PCP4L1: variants seen among roughly 807,000 people sequenced by gnomAD.
PCP4L1 encodes Purkinje cell protein 4 like 1, also known as Purkinje cell protein 4-like protein 1.
PCP4L1 carries 9 observed loss-of-function variants against 9.6 expected under a neutral mutation model. That is an observed-to-expected ratio of 0.94 (90% CI 0.57 to 1.64). The LOEUF is 1.64. Ranked by LOEUF, PCP4L1 falls within the 40% of genes most tolerant of loss-of-function variation. The pLI is 0.00. For synonymous variants in PCP4L1, 31 were observed against 28.2 expected, an observed-to-expected ratio of 1.10 and a Z score of -0.31; for missense variants, 81 against 80.8, an observed-to-expected ratio of 1.00 and a Z score of -0.01.
intron 1 of PCP4L1, among the ~76,000 whole-genome samples, chr1:161,278,867 C>T (rs1374348455): frequency 2.0e-5 from 3 of 151,436 alleles, no homozygotes; most frequent in Admixed American, 1.3e-4. Context: ...ACTGCAACCT[C>T]CGCCTTCCAG....
chr1:161,264,600 A>T lies in PCP4L1; in HGVS notation c.9+5617A>T, dbSNP rs145172364. On this transcript the variant is annotated intron_variant, in intron 1 of 2. Coordinates refer to ENST00000504449, the MANE Select transcript of PCP4L1 (RefSeq NM_001102566.2). ...TCCCAGCACTTTGGGAGGCTGAAGC[A>T]GGAGGACTGCTTGAGCTCAGGAGTT... Among the ~76,000 whole-genome samples, 1,356 of 152,300 alleles carry T rather than the reference A, an allele frequency of 8.9e-3. 10 individuals are homozygous for T. Among genetic ancestry groups the T allele is most frequent in the Non-Finnish European group, 0.012 (846 of 68,012 alleles).
At chr1:161,277,022 G>A (rs997300387) in intron 1 of PCP4L1, among the ~76,000 whole-genome samples, 3 of 152,138 alleles carry the variant, frequency 2.0e-5, no homozygotes, top group Non-Finnish European at 4.4e-5. Context: ...GGAGGCTGAG[G>A]AGGAAGAACT....
chr1:161,263,403 A>G lies in PCP4L1; in HGVS notation c.9+4420A>G, dbSNP rs11265576. 3.8e-3 allele frequency among the ~76,000 whole-genome samples: 569 copies of G among 151,522 alleles called. 1 individual carries two copies. The highest frequency in any genetic ancestry group is 0.013 in the African/African-American group (543 of 41,288). On this transcript the variant is annotated intron_variant, in intron 1 of 2. Coordinates refer to ENST00000504449, the MANE Select transcript of PCP4L1 (RefSeq NM_001102566.2). ...CAGGCACTCGCCACCACGCCCGGCTAATTTTTTGTATTTTTAGTAGAGATG... is the reference window on the plus strand; with the variant it reads ...CAGGCACTCGCCACCACGCCCGGCTGATTTTTTGTATTTTTAGTAGAGATG...
rs529412988 is a variant in PCP4L1, at chr1:161,281,697, C to T, written c.10-1971C>T. On this transcript the variant is annotated intron_variant, in intron 1 of 2. Transcript: ENST00000504449. ...GGGTGGCTGCCGGGCGGAGGGGCTC[C>T]TCACTTCTCAGACGGGGCGGCCGGG... is the stretch of plus-strand genomic sequence containing the variant. Among the ~76,000 whole-genome samples, 57 of 150,482 alleles carry T rather than the reference C, an allele frequency of 3.8e-4. 1 individual carries two copies. The highest frequency in any genetic ancestry group is 1.2e-3 in the African/African-American group (50 of 40,914).
At chr1:161,282,711 T>C (rs971629662) in intron 1 of PCP4L1, among the ~76,000 whole-genome samples, 1 of 152,116 alleles carries the variant, frequency 6.6e-6, no homozygotes, top group African/African-American at 2.4e-5. Flanking sequence ...TAAAACCTCC[T>C]CTCCCTGTTT....
At chr1:161,270,678 C>T (rs957298528) in intron 1 of PCP4L1, among the ~76,000 whole-genome samples, 4 of 151,740 alleles carry the variant, frequency 2.6e-5, no homozygotes, top group Non-Finnish European at 5.9e-5. Context: ...TTGAGACCAT[C>T]CTGGCCAACA....
chr1:161,262,760 G>A (rs1669440729), intron 1 of PCP4L1, among the ~76,000 whole-genome samples: 1 of 152,208 alleles, frequency 6.6e-6, no homozygotes, highest in South Asian at 2.1e-4. Context: ...CCTATGGAGG[G>A]TCTTAACTGA....
chr1:161,268,723 AT>A (rs1156687262), intron 1 of PCP4L1, among the ~76,000 whole-genome samples: 1 of 151,684 alleles, frequency 6.6e-6, no homozygotes, highest in African/African-American at 2.4e-5. Context: ...CTAATTTTGT[AT>A]TTTTAGTAGA....
intron 1 of PCP4L1, among the ~76,000 whole-genome samples, chr1:161,278,569 A>G (rs1018565834): frequency 6.6e-6 from 1 of 150,978 alleles, no homozygotes; most frequent in African/African-American, 2.4e-5. Flanking sequence ...ACGCCCAGCC[A>G]GTAGTCTTTT....
chr1:161,271,126 T>A (rs1669618859), intron 1 of PCP4L1, among the ~76,000 whole-genome samples: 1 of 152,236 alleles, frequency 6.6e-6, no homozygotes, highest in African/African-American at 2.4e-5. Context: ...ATGGTAAATG[T>A]ATGCTTAAGA....
intron 1 of PCP4L1, among the ~76,000 whole-genome samples, chr1:161,267,331 A>G (rs930747204): frequency 2.6e-5 from 4 of 152,224 alleles, no homozygotes; most frequent in African/African-American, 7.2e-5. Flanking sequence ...AAATACAGGT[A>G]TAGGTAGTCT....
intron 1 of PCP4L1, among the ~76,000 whole-genome samples, chr1:161,272,091 C>G (rs1277652206): frequency 1.3e-5 from 2 of 151,724 alleles, no homozygotes; most frequent in African/African-American, 4.8e-5. Flanking sequence ...CAGGTGTGAG[C>G]CACCGTGCCC....
In PCP4L1 at chr1:161,270,278, C is replaced by T. The variant is rs538800797; in HGVS notation, c.9+11295C>T. Among the ~76,000 whole-genome samples the T allele has an allele frequency of 1.6e-3, 238 of 151,892 alleles. 2 individuals carry two copies. Among genetic ancestry groups the T allele is most frequent in the Non-Finnish European group, 2.5e-3 (169 of 67,952 alleles). On this transcript the variant is annotated intron_variant, in intron 1 of 2. Transcript: ENST00000504449. The stretch of plus-strand genomic sequence containing the variant: ...TGCCACTGTACTCCAGCCTGGGCAA[C>T]GGAGAGAGACTCTGTCTCAAAAAAT...
Position 161,285,209 on chromosome 1 carries a change from ATTTTTT to A in PCP4L1, c.*730_*735del, listed in dbSNP as rs559305374. ...AAGTGAAGAAGGGGGAAATCTCTGA[ATTTTTT>A]TACTGCTGGGAAAAGTGTACTACAT... On this transcript the variant is annotated 3_prime_UTR_variant, in exon 3 of 3. Coordinates refer to ENST00000504449, the MANE Select transcript of PCP4L1 (RefSeq NM_001102566.2). 1.8e-3 allele frequency: 277 copies of A among 152,414 alleles called. 1 individual carries two copies. The highest frequency in any genetic ancestry group is 0.014 in the Middle Eastern group (4 of 296). The allele number at this position is 152,414 out of a possible 1,614,324, so 9.4% of individuals were successfully genotyped here.
intron 1 of PCP4L1, among the ~76,000 whole-genome samples, chr1:161,275,942 C>T (rs562687744): frequency 1.9e-4 from 29 of 152,000 alleles, no homozygotes; most frequent in Non-Finnish European, 3.4e-4. Flanking sequence ...ATTACATTTG[C>T]CTGCCACCAC....
chr1:161,281,690 G>T (rs1669808906), intron 1 of PCP4L1, among the ~76,000 whole-genome samples: 1 of 151,144 alleles, frequency 6.6e-6, no homozygotes, highest in East Asian at 2.0e-4. Flanking sequence ...GCCGGGCGGA[G>T]GGGCTCCTCA....
chr1:161,265,083 C>A (rs1339093661), intron 1 of PCP4L1, among the ~76,000 whole-genome samples: 1 of 152,114 alleles, frequency 6.6e-6, no homozygotes. Flanking sequence ...TTCATGAGTT[C>A]TTAATTTCAA....
In PCP4L1 at chr1:161,284,548, G is replaced by A; in HGVS notation, c.*67G>A. The A allele has an allele frequency of 1.9e-6, 3 of 1,564,208 alleles. No homozygotes were observed. The highest frequency in any genetic ancestry group is 1.2e-5 in the South Asian group (1 of 85,532). ...CTTCTCTCCCCTTCTCCACACCCAT[G>A]TATCTTTATCCCTTGTCCCTCTAGC... On this transcript the variant is annotated 3_prime_UTR_variant, in exon 3 of 3. Coordinates refer to ENST00000504449, the MANE Select transcript of PCP4L1 (RefSeq NM_001102566.2).
chr1:161,272,667 G>A (rs1364840121), intron 1 of PCP4L1, among the ~76,000 whole-genome samples: 1 of 151,744 alleles, frequency 6.6e-6, no homozygotes, highest in Non-Finnish European at 1.5e-5. Flanking sequence ...TCAGGTTGAG[G>A]GAGGCTTTTA....
Sources: gnomAD v4.1 joint callset for allele counts (sites outside exome capture counted in the v4.1 genomes callset) on GRCh38, gnomAD v4.1.1 for gene constraint, MANE v1.5 for transcripts, NCBI Gene and HGNC (gene_info 2026-07-23, HGNC 2026-07-21) for gene names.